RNLS: variants seen among roughly 807,000 people sequenced by gnomAD.
RNLS encodes renalase, FAD dependent amine oxidase.
Under a neutral mutation model 39.8 loss-of-function variants are expected in RNLS, and 39 were observed. That is an observed-to-expected ratio of 0.98 (90% CI 0.76 to 1.28). The LOEUF is 1.28. Among genes scored for constraint, RNLS ranks in the 50% most tolerant of loss-of-function variants. RNLS has a pLI of 0.00. For synonymous variants in RNLS, 147 were observed against 150.7 expected, an observed-to-expected ratio of 0.98 and a Z score of 0.18; for missense variants, 410 against 413.3, an observed-to-expected ratio of 0.99 and a Z score of 0.07.
rs146242002 is a variant in RNLS at position 88,366,128 on chromosome 10, T to C, written c.527-3403A>G. On this transcript the variant is annotated intron_variant, in intron 4 of 6. Coordinates refer to ENST00000331772, the MANE Select transcript of RNLS (RefSeq NM_001031709.3). The stretch of plus-strand genomic sequence containing the variant: ...AATAATCAAGTAAATGGTATGTCAG[T>C]TGGTGATAAGAACTATAAGGAAAAA... 2.4e-3 allele frequency among the ~76,000 whole-genome samples: 372 copies of C among 152,186 alleles called. 2 individuals carry two copies. The highest frequency in any genetic ancestry group is 4.2e-3 in the Non-Finnish European group (283 of 67,994).
At chr10:88,216,653 T>C in the RNLS span, among the ~76,000 whole-genome samples, 13 of 152,308 alleles carry the variant, frequency 8.5e-5, no homozygotes, top group Admixed American at 2.0e-4. Flanking sequence ...TGTATGCTTT[T>C]CTCTGGAGCA....
At chr10:88,195,293 T>G in the RNLS span, among the ~76,000 whole-genome samples, 1 of 152,218 alleles carries the variant, frequency 6.6e-6, no homozygotes, top group Non-Finnish European at 1.5e-5. Flanking sequence ...GGGTCTGTCT[T>G]TTTATAAGCA....
At chr10:88,481,636 A>G (rs1177853764) in intron 4 of RNLS, among the ~76,000 whole-genome samples, 3 of 152,152 alleles carry the variant, frequency 2.0e-5, no homozygotes, top group Admixed American at 1.3e-4. Context: ...TAAATTACAT[A>G]TATGTATGTA....
At chr10:88,240,295 A>G in the RNLS span, among the ~76,000 whole-genome samples, 1 of 152,146 alleles carries the variant, frequency 6.6e-6, no homozygotes, top group African/African-American at 2.4e-5. Context: ...ACAAATCTAT[A>G]TCAAGTAGTG....
At chr10:88,312,917 G>A (rs1845490009) in intron 6 of RNLS, among the ~76,000 whole-genome samples, 1 of 152,050 alleles carries the variant, frequency 6.6e-6, no homozygotes, top group East Asian at 1.9e-4. Flanking sequence ...GTTACTGTGA[G>A]AAGTATATGA....
the RNLS span, among the ~76,000 whole-genome samples, chr10:88,185,268 A>G: frequency 6.6e-6 from 1 of 151,704 alleles, no homozygotes; most frequent in South Asian, 2.1e-4. Context: ...AGTCCTTACC[A>G]CCTCTACCTC....
intron 4 of RNLS, among the ~76,000 whole-genome samples, chr10:88,415,039 C>T (rs1853928861): frequency 6.6e-6 from 1 of 152,058 alleles, no homozygotes. Flanking sequence ...CGCACAGATA[C>T]TGTATGTGTG....
chr10:88,487,152 C>T (rs966812514), intron 4 of RNLS, among the ~76,000 whole-genome samples: 3 of 151,940 alleles, frequency 2.0e-5, no homozygotes, highest in Non-Finnish European at 4.4e-5. Context: ...AGCTAAATGA[C>T]GCAAATTCAC....
Position 88,493,244 on chromosome 10 carries a change from AT to A in RNLS, c.526+79658del, listed in dbSNP as rs539639138. ...TTTAATAGGAGTTACATCTATTATA[AT>A]TTTTTTCCATCAATGATGGAAAATT... is the stretch of plus-strand genomic sequence containing the variant. On this transcript the variant is annotated intron_variant, in intron 4 of 6. Coordinates refer to ENST00000331772, the MANE Select transcript of RNLS (RefSeq NM_001031709.3). 2.6e-3 allele frequency among the ~76,000 whole-genome samples: 392 copies of A among 152,138 alleles called. 2 individuals are homozygous for A. The highest frequency in any genetic ancestry group is 8.9e-3 in the African/African-American group (369 of 41,542).
At chr10:88,214,506 A>T in the RNLS span, among the ~76,000 whole-genome samples, 1 of 14,578 alleles carries the variant, frequency 6.9e-5, no homozygotes. Context: ...CTCAAAAAAA[A>T]AAAAAAAAAA....
chr10:88,189,066 G>A, the RNLS span, among the ~76,000 whole-genome samples: 1 of 152,126 alleles, frequency 6.6e-6, no homozygotes, highest in African/African-American at 2.4e-5. Flanking sequence ...AATGTTCTTA[G>A]AATATCAAGT....
chr10:88,369,381 T>C (rs922096465), intron 4 of RNLS, among the ~76,000 whole-genome samples: 1 of 152,146 alleles, frequency 6.6e-6, no homozygotes, highest in Non-Finnish European at 1.5e-5. Flanking sequence ...TTTTGGTCAA[T>C]TGGTGACATA....
intron 4 of RNLS, among the ~76,000 whole-genome samples, chr10:88,515,299 C>G (rs953663230): frequency 6.6e-6 from 1 of 151,904 alleles, no homozygotes; most frequent in African/African-American, 2.4e-5. Context: ...TTCAGTATTT[C>G]TCCATTACTT....
intron 4 of RNLS, chr10:88,545,361 T>A: frequency 2.3e-6 from 1 of 429,322 alleles, no homozygotes; most frequent in Non-Finnish European, 4.6e-6. Flanking sequence ...GGGTAATTTA[T>A]AAAGAAAAAG....
chr10:88,304,748 A>T (rs1844800729), intron 6 of RNLS, among the ~76,000 whole-genome samples: 1 of 152,180 alleles, frequency 6.6e-6, no homozygotes, highest in Non-Finnish European at 1.5e-5. Context: ...AAAAGAATAG[A>T]ACCAACTTGG....
chr10:88,357,565 T>G (rs1160141331), intron 5 of RNLS, among the ~76,000 whole-genome samples: 1 of 152,262 alleles, frequency 6.6e-6, no homozygotes, highest in Non-Finnish European at 1.5e-5. Flanking sequence ...ACAGGTATAA[T>G]CTGTTCCTTT....
chr10:88,272,997 G>T (rs1458402711), downstream of RNLS, among the ~76,000 whole-genome samples: 1 of 152,098 alleles, frequency 6.6e-6, no homozygotes, highest in Admixed American at 6.6e-5. Context: ...ATCCTCCCTC[G>T]GGTGATGCTG....
At chr10:88,427,727 T>A (rs1854876532) in intron 4 of RNLS, among the ~76,000 whole-genome samples, 1 of 151,962 alleles carries the variant, frequency 6.6e-6, no homozygotes, top group Admixed American at 6.6e-5. Context: ...ATTCTTAAAG[T>A]CATTAAAGGG....
At chr10:88,247,741 G>T in the RNLS span, among the ~76,000 whole-genome samples, 1 of 152,180 alleles carries the variant, frequency 6.6e-6, no homozygotes, top group Non-Finnish European at 1.5e-5. Flanking sequence ...TTGCAGATCT[G>T]CTGACTTTAA....
Sources: allele counts gnomAD v4.1 joint callset (sites outside exome capture counted in the v4.1 genomes callset), GRCh38; gene constraint gnomAD v4.1.1; transcripts MANE v1.5; gene names NCBI Gene and HGNC (gene_info 2026-07-23, HGNC 2026-07-21).